The following CYTH1 variants were observed in gnomAD, a reference collection of about 807,000 sequenced individuals.
CYTH1 encodes cytohesin 1.
CYTH1 carries 18 observed loss-of-function variants against 61.8 expected under a neutral mutation model. That is an observed-to-expected ratio of 0.29 (90% CI 0.20 to 0.43). The LOEUF is 0.43. CYTH1 is among the 20% of genes least tolerant of loss of function. The pLI, the probability that CYTH1 is intolerant of heterozygous loss-of-function variation, is 1.00. For missense variants in CYTH1, 336 were observed against 510.5 expected, an observed-to-expected ratio of 0.66 and a Z score of 3.29; for synonymous variants, 174 against 184.3, an observed-to-expected ratio of 0.94 and a Z score of 0.45.
intron 11 of CYTH1, among the ~76,000 whole-genome samples, chr17:78,688,941 G>C (rs2092847057): frequency 6.6e-6 from 1 of 152,156 alleles, no homozygotes; most frequent in South Asian, 2.1e-4. Context: ...GTGTTCTGCT[G>C]TCTCATCAAT....
At chr17:78,686,065 C>T (rs1214740705) in intron 11 of CYTH1, among the ~76,000 whole-genome samples, 1 of 152,206 alleles carries the variant, frequency 6.6e-6, no homozygotes, top group Non-Finnish European at 1.5e-5. Context: ...GAAATCACCT[C>T]ATGCCACACT....
At chr17:78,753,916 A>G (rs1320845615) in intron 1 of CYTH1, among the ~76,000 whole-genome samples, 1 of 152,198 alleles carries the variant, frequency 6.6e-6, no homozygotes, top group Admixed American at 6.5e-5. Context: ...TCCCTTAAAA[A>G]ATATAAGAAG....
intron 11 of CYTH1, among the ~76,000 whole-genome samples, chr17:78,690,021 G>A (rs1408872459): frequency 2.0e-5 from 3 of 151,672 alleles, no homozygotes; most frequent in Non-Finnish European, 4.4e-5. Flanking sequence ...TCCCCTGCTT[G>A]GTTGCTATTT....
intron 2 of CYTH1, 186 bp downstream of exon 2, chr17:78,709,464 G>A: frequency 3.4e-6 from 2 of 593,522 alleles, no homozygotes; most frequent in Non-Finnish European, 2.9e-6. Context: ...CAACCTCTCT[G>A]ACACTGCATC....
intron 1 of CYTH1, among the ~76,000 whole-genome samples, chr17:78,777,975 A>G (rs2093499796): frequency 6.6e-6 from 1 of 152,130 alleles, no homozygotes; most frequent in African/African-American, 2.4e-5. Flanking sequence ...AGTTAACACC[A>G]CAAGAAATGT....
Position 78,760,443 on chromosome 17 carries a change from GTATATATATATACATACATA to G in CYTH1, c.22+21739_22+21758del, listed in dbSNP as rs1567879311. ...TATATATACACATACATATATATATGTATATATATATACATACATATATATATGTATATATATGTATGTAT... is the reference window on the plus strand; with the variant it reads ...TATATATACACATACATATATATATGTATATATGTATATATATGTATGTAT... On this transcript the variant is annotated intron_variant, in intron 1 of 13. Transcript: ENST00000446868. 1.6e-4 allele frequency among the ~76,000 whole-genome samples: 5 copies of G among 31,862 alleles called. 1 individual carries two copies. Among genetic ancestry groups the G allele is most frequent in the Admixed American group, 3.6e-4 (1 of 2,790 alleles). 20.9% of individuals were successfully genotyped at this position (31,862 alleles called of 152,430 possible).
intron 1 of CYTH1, among the ~76,000 whole-genome samples, chr17:78,729,463 T>C (rs1344299511): frequency 3.9e-5 from 6 of 152,336 alleles, no homozygotes. Flanking sequence ...TCCATTAGTC[T>C]GGCAGGAATC....
chr17:78,741,607 GC>G (rs1287508528), intron 1 of CYTH1, among the ~76,000 whole-genome samples: 1 of 152,192 alleles, frequency 6.6e-6, no homozygotes, highest in Non-Finnish European at 1.5e-5. Flanking sequence ...AACAGGGGCA[GC>G]CCCCATCACT....
chr17:78,742,602 C>T (rs968606504), intron 1 of CYTH1, among the ~76,000 whole-genome samples: 25 of 152,090 alleles, frequency 1.6e-4, no homozygotes, highest in Admixed American at 1.6e-3. Context: ...CCTGTAATTC[C>T]AGCACTTTGG....
intron 1 of CYTH1, among the ~76,000 whole-genome samples, chr17:78,730,642 G>A (rs1439514351): frequency 6.6e-6 from 1 of 151,898 alleles, no homozygotes; most frequent in African/African-American, 2.4e-5. Flanking sequence ...GGAAGAACAT[G>A]ATACAAGTTA....
At chr17:78,699,342 C>T (rs1025076498) in intron 7 of CYTH1, among the ~76,000 whole-genome samples, 3 of 149,512 alleles carry the variant, frequency 2.0e-5, no homozygotes, top group African/African-American at 7.4e-5. Context: ...CCAGCCTGGG[C>T]GACAGAGTGA....
chr17:78,760,380 T>TAC lies in CYTH1; in HGVS notation c.22+21821_22+21822insGT, dbSNP rs1475136048. ...TTATATATATATATATATATATATA[T>TAC]ATATACACACACATACATATATATA... is the stretch of plus-strand genomic sequence containing the variant. On this transcript the variant is annotated intron_variant, in intron 1 of 13. Transcript: ENST00000446868. 3.1e-4 allele frequency among the ~76,000 whole-genome samples: 17 copies of TAC among 55,106 alleles called. 1 individual carries two copies. Among genetic ancestry groups the TAC allele is most frequent in the South Asian group, 1.7e-3 (3 of 1,722 alleles). 36.2% of individuals were successfully genotyped at this position (55,106 alleles called of 152,430 possible). A position where few individuals can be genotyped will look rare whatever the true frequency, so the allele number is the denominator to read the frequency against.
intron 13 of CYTH1, 58 bp downstream of exon 13, chr17:78,680,132 A>G: frequency 6.3e-7 from 1 of 1,596,706 alleles, no homozygotes; most frequent in East Asian, 2.2e-5. Context: ...GATGATCAAC[A>G]CCTGGTGAGG....
chr17:78,752,439 C>A (rs536782627), intron 1 of CYTH1, among the ~76,000 whole-genome samples: 3 of 150,806 alleles, frequency 2.0e-5, no homozygotes, highest in South Asian at 4.2e-4. Flanking sequence ...GGACAGAGAA[C>A]TTCTTTTTTT....
chr17:78,698,729 T>C (rs934902266), intron 8 of CYTH1, 91 bp downstream of exon 8: 10 of 1,385,966 alleles, frequency 7.2e-6, no homozygotes, highest in African/African-American at 3.0e-5. Context: ...CCTTGATAAA[T>C]TGTATGTTTT....
At chr17:78,776,917 G>C (rs1052343559) in intron 1 of CYTH1, among the ~76,000 whole-genome samples, 2 of 150,090 alleles carry the variant, frequency 1.3e-5, no homozygotes, top group African/African-American at 4.9e-5. Context: ...CCTGAGGTCG[G>C]GAGTTCGAGA....
chr17:78,775,225 T>A (rs1454249117), intron 1 of CYTH1, among the ~76,000 whole-genome samples: 2 of 152,148 alleles, frequency 1.3e-5, no homozygotes, highest in East Asian at 3.9e-4. Context: ...CTGTGGCCCA[T>A]GAAGATTGGG....
intron 1 of CYTH1, among the ~76,000 whole-genome samples, chr17:78,765,917 T>C (rs2093446617): frequency 6.6e-6 from 1 of 151,964 alleles, no homozygotes; most frequent in Non-Finnish European, 1.5e-5. Flanking sequence ...TTGAGATCCT[T>C]GGTGACCCTA....
At chr17:78,706,626 T>C (rs913920493) in intron 3 of CYTH1, among the ~76,000 whole-genome samples, 2 of 152,262 alleles carry the variant, frequency 1.3e-5, no homozygotes, top group Admixed American at 6.5e-5. Context: ...CATGTTTTCA[T>C]TTCTCTTAAG....
Sources: allele counts gnomAD v4.1 joint callset (sites outside exome capture counted in the v4.1 genomes callset), GRCh38; gene constraint gnomAD v4.1.1; transcripts MANE v1.5; gene names NCBI Gene and HGNC (gene_info 2026-07-23, HGNC 2026-07-21).